SEPHS1: variants seen among roughly 807,000 people sequenced by gnomAD.
The protein encoded by SEPHS1 is zincore component SEPHS1.
Under a neutral mutation model 39.2 loss-of-function variants are expected in SEPHS1, and 7 were observed. The ratio of observed to expected loss-of-function variants is 0.18; its 90% CI spans 0.10 to 0.34. The LOEUF is 0.34. Ranked by LOEUF, SEPHS1 falls within the 10% of genes least tolerant of loss-of-function variation. The pLI is 1.00. For synonymous variants in SEPHS1, 190 were observed against 195.5 expected (o/e 0.97, Z 0.23); for missense variants, 253 against 514.5 (o/e 0.49, Z 4.92).
chr10:13,323,084 C>T (rs368203147), intron 7 of SEPHS1, 37 bp from the exon 8 acceptor site: 7 of 1,544,962 alleles, frequency 4.5e-6, no homozygotes, highest in Non-Finnish European at 6.2e-6. Flanking sequence ...GAAAAAACAC[C>T]TTTCCTCAAC....
chr10:13,330,390 T>A (rs2027167), intron 5 of SEPHS1, among the ~76,000 whole-genome samples: 1 of 152,050 alleles, frequency 6.6e-6, no homozygotes, highest in African/African-American at 2.4e-5. Context: ...TCAGACTGAC[T>A]GATGGTGAGT....
At chr10:13,344,509 C>T (rs1248556369) in intron 2 of SEPHS1, among the ~76,000 whole-genome samples, 1 of 151,812 alleles carries the variant, frequency 6.6e-6, no homozygotes, top group Non-Finnish European at 1.5e-5. Context: ...TCTTCTAATC[C>T]TTCCCACAAA....
At chr10:13,339,103 T>A (rs1469470376) in intron 2 of SEPHS1, among the ~76,000 whole-genome samples, 1 of 152,242 alleles carries the variant, frequency 6.6e-6, no homozygotes, top group African/African-American at 2.4e-5. Context: ...ATGACTTTTA[T>A]TATTTTACTG....
At chr10:13,338,555 A>G in intron 3 of SEPHS1, 150 bp downstream of exon 3, 1 of 616,758 alleles carries the variant, frequency 1.6e-6, no homozygotes, top group Non-Finnish European at 2.9e-6. Context: ...GACTTCAGCA[A>G]CTGCAGGAGT....
intron 2 of SEPHS1, among the ~76,000 whole-genome samples, chr10:13,340,221 C>T (rs1490444647): frequency 6.6e-6 from 1 of 151,882 alleles, no homozygotes; most frequent in Non-Finnish European, 1.5e-5. Context: ...TGAAATCTCA[C>T]TCAATAAAAA....
intron 7 of SEPHS1, among the ~76,000 whole-genome samples, chr10:13,324,391 T>C (rs142153871): frequency 1.7e-3 from 258 of 152,360 alleles, no homozygotes; most frequent in African/African-American, 5.9e-3. Context: ...AATGCTGCTA[T>C]GAACATTTGT....
intron 5 of SEPHS1, 84 bp downstream of exon 5, chr10:13,333,733 C>T: frequency 7.0e-7 from 1 of 1,434,066 alleles, no homozygotes; most frequent in South Asian, 1.2e-5. Context: ...AGCCACTGCA[C>T]CTGACCTTAA....
chr10:13,322,810 C>T (rs1833154779), intron 8 of SEPHS1, 25 bp downstream of exon 8: 1 of 1,606,742 alleles, frequency 6.2e-7, no homozygotes, highest in East Asian at 2.2e-5. Context: ...CTATTTAGTC[C>T]TCAGATGCGC....
chr10:13,319,431 G>C, intron 8 of SEPHS1, 75 bp from the exon 9 acceptor site: 1 of 1,469,828 alleles, frequency 6.8e-7, no homozygotes, highest in Non-Finnish European at 9.4e-7. Flanking sequence ...CTTCTGCAGA[G>C]ATCCAACTTC....
At chr10:13,332,925 A>C (rs1833514459) in intron 5 of SEPHS1, among the ~76,000 whole-genome samples, 1 of 152,122 alleles carries the variant, frequency 6.6e-6, no homozygotes, top group Admixed American at 6.5e-5. Flanking sequence ...ATGACCCTTA[A>C]AAGTATGCTA....
chr10:13,322,311 T>C lies in SEPHS1; in HGVS notation c.964+524A>G, dbSNP rs374195995. Among the ~76,000 whole-genome samples the C allele has an allele frequency of 1.3e-4, 19 of 151,958 alleles. No homozygotes were observed. The South Asian group carries it at 3.8e-3, about 30-fold the overall frequency. On this transcript the variant is annotated intron_variant, in intron 8 of 8. Coordinates refer to ENST00000327347, the MANE Select transcript of SEPHS1 (RefSeq NM_012247.5). ...CATGGACCACCACGCCCAGCTACTT[T>C]TTTTTTGTATTTTTAGTGAAGATGG... is the stretch of plus-strand genomic sequence containing the variant.
Position 13,344,376 on chromosome 10 carries a change from TAAC to T in SEPHS1, c.193+379_193+381del, listed in dbSNP as rs1019669620. Among the ~76,000 whole-genome samples, 6 of 152,232 alleles carry T rather than the reference TAAC, an allele frequency of 3.9e-5. No individual in the cohort carries two copies. The South Asian group carries it at 6.2e-4, about 16-fold the overall frequency. ...AAAAATTAAAAAGTTTTTACTGTAA[TAAC>T]AATCTCAATTGCATACTCCATGATT... On this transcript the variant is annotated intron_variant, in intron 2 of 8. Coordinates refer to ENST00000327347, the MANE Select transcript of SEPHS1 (RefSeq NM_012247.5).
intron 8 of SEPHS1, among the ~76,000 whole-genome samples, chr10:13,321,687 G>T (rs1339447414): frequency 6.6e-6 from 1 of 152,214 alleles, no homozygotes. Context: ...GGGAACAAAG[G>T]GGGCAAAAGA....
intron 8 of SEPHS1, among the ~76,000 whole-genome samples, chr10:13,321,050 G>A (rs770375330): frequency 3.9e-5 from 6 of 151,984 alleles, no homozygotes; most frequent in South Asian, 2.1e-4. Flanking sequence ...CTATAAAGGC[G>A]GTGAGAGGCC....
intron 2 of SEPHS1, among the ~76,000 whole-genome samples, chr10:13,341,036 A>C (rs1277640938): frequency 6.6e-6 from 1 of 152,246 alleles, no homozygotes; most frequent in Non-Finnish European, 1.5e-5. Flanking sequence ...AATAGATTAT[A>C]ATTAATTCCA....
In SEPHS1 at chr10:13,319,366, G is replaced by T. The variant is rs781428064; in HGVS notation, c.965-10C>A. On this transcript the variant is annotated splice_polypyrimidine_tract_variant and intron_variant, in intron 8 of 8. Coordinates refer to ENST00000327347, the MANE Select transcript of SEPHS1 (RefSeq NM_012247.5). ...CAGATCAGAAGGCCGCCTGGCAAAA[G>T]AAAACAAGAATGACTGTTAGTGTTG... 6.2e-7 allele frequency: 1 copy of T among 1,612,256 alleles called. No homozygotes were observed. The highest frequency in any genetic ancestry group is 8.5e-7 in the Non-Finnish European group (1 of 1,179,482).
intron 7 of SEPHS1, among the ~76,000 whole-genome samples, chr10:13,324,605 T>C (rs1833209578): frequency 6.6e-6 from 1 of 152,210 alleles, no homozygotes; most frequent in African/African-American, 2.4e-5. Context: ...CAGTTGGTAT[T>C]ATCAGTGTTT....
rs1588532789 is a variant in SEPHS1, at chr10:13,323,112, A to G, written c.752-65T>C. On this transcript the variant is annotated intron_variant, in intron 7 of 8. Coordinates refer to ENST00000327347, the MANE Select transcript of SEPHS1 (RefSeq NM_012247.5). ...TCCTCAACTCAAAAATCTTACGTCC[A>G]CAATTAATCTGCAACTTCCTTACTT... 9.2e-6 allele frequency: 12 copies of G among 1,299,974 alleles called. No homozygotes were observed. In the East Asian group the frequency reaches 1.9e-4, roughly 21 times the overall value. The allele number at this position is 1,299,974 out of a possible 1,614,324, so 80.5% of individuals were successfully genotyped here.
At chr10:13,322,758 G>T in intron 8 of SEPHS1, 77 bp downstream of exon 8, 2 of 1,381,682 alleles carry the variant, frequency 1.4e-6, no homozygotes, top group South Asian at 1.2e-5. Flanking sequence ...GCCCACTCGG[G>T]GTGGGGCTGC....
Sources: allele counts gnomAD v4.1 joint callset (sites outside exome capture counted in the v4.1 genomes callset), GRCh38; gene constraint gnomAD v4.1.1; transcripts MANE v1.5; gene names NCBI Gene and HGNC (gene_info 2026-07-23, HGNC 2026-07-21).